NOX4: variants seen among roughly 807,000 people sequenced by gnomAD.
NOX4 encodes the protein NADPH oxidase 4, also known as kidney oxidase-1.
Under a neutral mutation model 87.6 loss-of-function variants are expected in NOX4, and 69 were observed. The ratio of observed to expected loss-of-function variants is 0.79; its 90% confidence interval spans 0.65 to 0.96. The LOEUF (loss-of-function observed/expected upper bound fraction) is 0.96, where lower values mean the gene tolerates loss of function less well. Ranked by LOEUF, NOX4 falls within the 40% of genes least tolerant of loss-of-function variation. NOX4 has a pLI of 0.00. For missense variants in NOX4, 680 were observed against 681.5 expected (o/e 1.00, Z 0.02); for synonymous variants, 275 against 238.2 (o/e 1.15, Z -1.42).
the NOX4 span, among the ~76,000 whole-genome samples, chr11:89,506,237 G>GAA: frequency 2.7e-4 from 36 of 135,816 alleles, no homozygotes; most frequent in Middle Eastern, 3.7e-3. Flanking sequence ...AAGAAAGAAA[G>GAA]AGAGAGAGAG....
the NOX4 span, among the ~76,000 whole-genome samples, chr11:89,576,694 T>C: frequency 6.6e-6 from 1 of 152,192 alleles, no homozygotes; most frequent in Admixed American, 6.5e-5. Context: ...CAAAAAGCTT[T>C]TGGCTTATAG....
intron 17 of NOX4, among the ~76,000 whole-genome samples, chr11:89,331,867 G>A (rs1001576516): frequency 6.6e-6 from 1 of 150,686 alleles, no homozygotes; most frequent in African/African-American, 2.4e-5. Flanking sequence ...TGCGATTTGA[G>A]GATTCCCTAA....
chr11:89,519,705 A>G, the NOX4 span, among the ~76,000 whole-genome samples: 104 of 152,190 alleles, frequency 6.8e-4, no homozygotes, highest in African/African-American at 2.4e-3. Flanking sequence ...TGCAGTGAAG[A>G]ACGGAACTAT....
chr11:89,548,846 G>A, the NOX4 span: 1 of 152,158 alleles, frequency 6.6e-6, no homozygotes, highest in African/African-American at 2.4e-5. Flanking sequence ...AGCCGCTGCT[G>A]TGTTTGCTAT....
upstream of NOX4, among the ~76,000 whole-genome samples, chr11:89,494,851 A>G (rs1038404297): frequency 7.2e-5 from 11 of 152,352 alleles, no homozygotes; most frequent in African/African-American, 2.6e-4. Context: ...ATGGGCTAAA[A>G]CAACAGAAAT....
the NOX4 span, among the ~76,000 whole-genome samples, chr11:89,503,991 G>A: frequency 6.6e-6 from 1 of 151,034 alleles, no homozygotes; most frequent in Non-Finnish European, 1.5e-5. Flanking sequence ...ACACTTAATT[G>A]TATTTGAGGA....
the NOX4 span, among the ~76,000 whole-genome samples, chr11:89,574,590 T>G: frequency 0.016 from 2,385 of 152,318 alleles, 61 homozygotes; most frequent in African/African-American, 0.054. Context: ...TTACCAGAAG[T>G]CTATAATGAC....
At chr11:89,385,648 T>C (rs1482290587) in intron 11 of NOX4, among the ~76,000 whole-genome samples, 1 of 152,166 alleles carries the variant, frequency 6.6e-6, no homozygotes, top group Non-Finnish European at 1.5e-5. Context: ...AATCAATTCT[T>C]AGTGTTCCAT....
At chr11:89,576,324 G>T in the NOX4 span, among the ~76,000 whole-genome samples, 1 of 152,242 alleles carries the variant, frequency 6.6e-6, no homozygotes, top group South Asian at 2.1e-4. Context: ...TGTCCCTGGG[G>T]TACAAATATA....
At chr11:89,372,265 A>G (rs1209529243) in intron 12 of NOX4, among the ~76,000 whole-genome samples, 1 of 151,756 alleles carries the variant, frequency 6.6e-6, no homozygotes, top group Non-Finnish European at 1.5e-5. Context: ...CTTAATTAAT[A>G]CCATTTTCAT....
chr11:89,453,183 G>A (rs115733664), intron 2 of NOX4, among the ~76,000 whole-genome samples: 199 of 152,174 alleles, frequency 1.3e-3, no homozygotes, highest in African/African-American at 4.3e-3. Context: ...TCTTCTAACC[G>A]AAACTTTGTA....
the NOX4 span, among the ~76,000 whole-genome samples, chr11:89,554,705 T>C: frequency 6.6e-6 from 1 of 152,134 alleles, no homozygotes. Context: ...TTCTTAATGA[T>C]TCCTAAGAGT....
the NOX4 span, among the ~76,000 whole-genome samples, chr11:89,536,870 CT>C: frequency 6.6e-6 from 1 of 152,176 alleles, no homozygotes; most frequent in Non-Finnish European, 1.5e-5. Context: ...CAAGTCCACA[CT>C]GATTCAAAAC....
chr11:89,504,066 G>A, the NOX4 span, among the ~76,000 whole-genome samples: 31 of 151,730 alleles, frequency 2.0e-4, 1 homozygote, highest in South Asian at 5.2e-3. Context: ...GTAGTCTTGA[G>A]TGCTATGGAA....
chr11:89,541,687 C>T, the NOX4 span, among the ~76,000 whole-genome samples: 1 of 151,978 alleles, frequency 6.6e-6, no homozygotes, highest in African/African-American at 2.4e-5. Context: ...ACAGAAAATG[C>T]ACTTTAAAAA....
intron 2 of NOX4, among the ~76,000 whole-genome samples, chr11:89,456,817 G>A (rs1487477771): frequency 1.3e-5 from 2 of 152,146 alleles, no homozygotes; most frequent in Non-Finnish European, 2.9e-5. Context: ...AGTGGAGTAT[G>A]GCTAGGGTGC....
intron 5 of NOX4, among the ~76,000 whole-genome samples, chr11:89,442,511 A>G (rs1466408157): frequency 6.6e-6 from 1 of 152,190 alleles, no homozygotes; most frequent in Non-Finnish European, 1.5e-5. Flanking sequence ...AAATTATGGC[A>G]TAGTCATATG....
In NOX4 at chr11:89,491,194, C is replaced by T; in HGVS notation, c.53G>A (p.Cys18Tyr). 6.2e-7 allele frequency: 1 copy of T among 1,613,862 alleles called. No homozygotes were observed. The highest frequency in any genetic ancestry group is 8.5e-7 in the Non-Finnish European group (1 of 1,179,880). The change falls in exon 1 of 18, where the codon TGC becomes TAC. Residue 18 changes from cysteine (C) to tyrosine (Y), a missense_variant. Transcript: ENST00000263317. ...WLANEGVKHL[C>Y]LFIWLSMNVL... ...GAGCCTAGCCCGCCATCCTACCAGG[C>T]AGAGGTGTTTAACCCCTTCGTTGGC...
At chr11:89,334,039 A>T (rs1186494842) in intron 17 of NOX4, among the ~76,000 whole-genome samples, 1 of 151,746 alleles carries the variant, frequency 6.6e-6, no homozygotes, top group Non-Finnish European at 1.5e-5. Context: ...TAACTGTAGG[A>T]ACCAACAGCC....
Sources: gnomAD v4.1 joint callset for allele counts (sites outside exome capture counted in the v4.1 genomes callset) on GRCh38, gnomAD v4.1.1 for gene constraint, MANE v1.5 for transcripts, NCBI Gene and HGNC (gene_info 2026-07-23, HGNC 2026-07-21) for gene names.